Variants in SUMF1 observed in about 807,000 individuals in gnomAD.
The protein encoded by SUMF1 is sulfatase modifying factor 1.
SUMF1 carries 48 observed loss-of-function variants against 47.6 expected under a neutral mutation model. That is an observed-to-expected ratio of 1.01 (90% CI 0.80 to 1.28). The LOEUF (loss-of-function observed/expected upper bound fraction) is 1.28. Among genes scored for constraint, SUMF1 ranks in the 50% most tolerant of loss-of-function variants. The probability of loss-of-function intolerance (pLI) is 0.00; values close to 1 mark genes in which losing one functional copy is unlikely to be tolerated. For missense variants in SUMF1, 571 were observed against 485.4 expected (o/e 1.18, Z -1.66); for synonymous variants, 230 against 192.1 (o/e 1.20, Z -1.63).
At chr3:4,368,479 A>G (rs1700057061) in intron 8 of SUMF1, among the ~76,000 whole-genome samples, 1 of 152,224 alleles carries the variant, frequency 6.6e-6, no homozygotes, top group East Asian at 1.9e-4. Flanking sequence ...CAGCCATCCC[A>G]TTACTGGGTA....
rs773406150 is a variant in SUMF1, at chr3:4,362,102, G to A, written c.*42C>T. The A allele has an allele frequency of 1.6e-5, 25 of 1,581,054 alleles. No homozygotes were observed. The highest frequency in any genetic ancestry group is 2.1e-5 in the Non-Finnish European group (24 of 1,151,034). On this transcript the variant is annotated 3_prime_UTR_variant, in exon 9 of 9. Transcript: ENST00000272902. Reference sequence around the variant, plus strand: ...TCTGAGAAAAGCCCAATGTAGGTCAGACACGACTGCTCCTTGGACTGGGGA... The same window carrying A: ...TCTGAGAAAAGCCCAATGTAGGTCAAACACGACTGCTCCTTGGACTGGGGA...
rs558565729 is a variant in SUMF1, at chr3:4,090,284, C to T, written c.1015-21539G>A. Among the ~76,000 whole-genome samples the T allele has an allele frequency of 5.3e-5, 8 of 152,200 alleles. No homozygotes were observed. In the South Asian group the frequency reaches 1.2e-3, roughly 24 times the overall value. On this transcript the variant is annotated intron_variant and NMD_transcript_variant, in intron 8 of 12. Transcript: ENST00000448413. ...ACTATCTGTGTGGAGCTGACACATT[C>T]CCCCATGTCTGCATGGGTTTTCTCT... is the stretch of plus-strand genomic sequence containing the variant.
intron 8 of SUMF1, among the ~76,000 whole-genome samples, chr3:4,332,879 T>C (rs1402828055): frequency 6.6e-6 from 1 of 152,078 alleles, no homozygotes; most frequent in East Asian, 1.9e-4. Flanking sequence ...TGTACCCATA[T>C]AAACCCTAAA....
At chr3:4,412,097 TC>T (rs1460512002) in intron 6 of SUMF1, among the ~76,000 whole-genome samples, 1 of 152,228 alleles carries the variant, frequency 6.6e-6, no homozygotes, top group African/African-American at 2.4e-5. Context: ...AGCTGAAAAT[TC>T]TCACCACACT....
intron 7 of SUMF1, among the ~76,000 whole-genome samples, chr3:4,404,388 CT>C (rs996629764): frequency 2.0e-5 from 3 of 152,138 alleles, no homozygotes; most frequent in Non-Finnish European, 4.4e-5. Flanking sequence ...CACTTTCGTG[CT>C]TTTTTTCATT....
intron 1 of SUMF1, among the ~76,000 whole-genome samples, chr3:4,456,542 C>T (rs1327700111): frequency 6.8e-6 from 1 of 148,054 alleles, no homozygotes; most frequent in Non-Finnish European, 1.5e-5. Context: ...AACTCTGCCT[C>T]CTGGGCTCAT....
intron 1 of SUMF1, among the ~76,000 whole-genome samples, chr3:4,460,721 G>C (rs1352495004): frequency 6.6e-6 from 1 of 151,592 alleles, no homozygotes; most frequent in Non-Finnish European, 1.5e-5. Context: ...GCAGAGGCGT[G>C]ATCACAGCTC....
chr3:4,403,136 T>C (rs1407563856), intron 7 of SUMF1, among the ~76,000 whole-genome samples: 1 of 152,224 alleles, frequency 6.6e-6, no homozygotes, highest in Non-Finnish European at 1.5e-5. Flanking sequence ...TCTCACTTCC[T>C]TACAACTCTA....
At chr3:4,068,936 A>C (rs1419606916) in intron 8 of SUMF1, among the ~76,000 whole-genome samples, 2 of 152,194 alleles carry the variant, frequency 1.3e-5, no homozygotes, top group African/African-American at 4.8e-5. Context: ...CTAAGATAAC[A>C]ATTTGAGCAC....
At chr3:4,156,054 C>G (rs1368849037) in intron 8 of SUMF1, among the ~76,000 whole-genome samples, 1 of 151,384 alleles carries the variant, frequency 6.6e-6, no homozygotes, top group Non-Finnish European at 1.5e-5. Context: ...CACCAGAGTA[C>G]AAAAGTAACT....
intron 8 of SUMF1, among the ~76,000 whole-genome samples, chr3:4,173,797 C>T (rs866884664): frequency 1.2e-4 from 18 of 152,072 alleles, no homozygotes; most frequent in Middle Eastern, 3.2e-3. Context: ...TCAAACACCG[C>T]ATGTCCCCAC....
At chr3:4,408,028 A>T (rs540300458) in intron 7 of SUMF1, among the ~76,000 whole-genome samples, 27 of 152,362 alleles carry the variant, frequency 1.8e-4, no homozygotes, top group African/African-American at 6.5e-4. Context: ...TTCTAGAAGC[A>T]AAGGTAAATC....
chr3:4,146,926 C>T (rs1451702848), intron 8 of SUMF1, among the ~76,000 whole-genome samples: 1 of 152,074 alleles, frequency 6.6e-6, no homozygotes, highest in Non-Finnish European at 1.5e-5. Context: ...TTTCTTAATC[C>T]AGGCTATCGT....
At chr3:4,395,863 G>T (rs562390615) in intron 7 of SUMF1, among the ~76,000 whole-genome samples, 2 of 152,252 alleles carry the variant, frequency 1.3e-5, no homozygotes, top group African/African-American at 2.4e-5. Context: ...CAGTCTACTT[G>T]TAAAATAAAT....
chr3:4,312,821 C>G, intron 8 of SUMF1: 2 of 1,500,384 alleles, frequency 1.3e-6, no homozygotes, highest in Non-Finnish European at 1.8e-6. Flanking sequence ...AGAATGGGTC[C>G]CAGTCAGAAG....
intron 8 of SUMF1, among the ~76,000 whole-genome samples, chr3:4,213,261 C>A (rs1695840461): frequency 6.6e-6 from 1 of 152,176 alleles, no homozygotes; most frequent in African/African-American, 2.4e-5. Flanking sequence ...CAATATTCAA[C>A]ATTCTTAAAG....
At chr3:4,209,919 G>A (rs1695742767) in intron 8 of SUMF1, among the ~76,000 whole-genome samples, 1 of 152,102 alleles carries the variant, frequency 6.6e-6, no homozygotes, top group African/African-American at 2.4e-5. Context: ...TTTTGAGGCA[G>A]AGTCTCACTC....
intron 8 of SUMF1, among the ~76,000 whole-genome samples, chr3:4,119,762 C>T (rs1214549380): frequency 1.3e-5 from 2 of 151,972 alleles, no homozygotes; most frequent in African/African-American, 2.4e-5. Context: ...ATGTATTTAG[C>T]TTGTAGTAAG....
chr3:4,239,960 G>A (rs934191540), intron 8 of SUMF1, among the ~76,000 whole-genome samples: 1 of 152,076 alleles, frequency 6.6e-6, no homozygotes, highest in Non-Finnish European at 1.5e-5. Context: ...CTAGTTTATT[G>A]AGAGTTTTTA....
Sources: allele counts gnomAD v4.1 joint callset (sites outside exome capture counted in the v4.1 genomes callset), GRCh38; gene constraint gnomAD v4.1.1; transcripts MANE v1.5; gene names NCBI Gene and HGNC (gene_info 2026-07-23, HGNC 2026-07-21).